Variants in PLD5 observed in about 807,000 individuals in gnomAD.
PLD5 encodes inactive phospholipase D5.
A neutral mutation model predicts 61.1 loss-of-function variants in PLD5; 36 were observed. The observed-to-expected ratio is 0.59, with a 90% CI of 0.45 to 0.78. PLD5 has a LOEUF of 0.78. Among genes scored for constraint, PLD5 ranks in the 30% least tolerant of loss-of-function variants. The pLI, the probability that PLD5 is intolerant of heterozygous loss-of-function variation, is 0.00. For missense variants in PLD5, 515 were observed against 644.4 expected, an observed-to-expected ratio of 0.80 and a Z score of 2.17; for synonymous variants, 243 against 242.8, an observed-to-expected ratio of 1.00 and a Z score of -0.01.
At chr1:242,150,843 T>C (rs756129221) in intron 5 of PLD5, among the ~76,000 whole-genome samples, 3 of 151,880 alleles carry the variant, frequency 2.0e-5, no homozygotes, top group Non-Finnish European at 2.9e-5. Context: ...GAGGACTCTC[T>C]TCCATTTTTC....
Position 242,246,474 on chromosome 1 carries a change from A to G in PLD5, c.607+18863T>C, listed in dbSNP as rs898608177. Among the ~76,000 whole-genome samples the G allele has an allele frequency of 7.3e-5, 6 of 81,844 alleles. No homozygotes were observed. In the East Asian group the frequency reaches 2.1e-3, roughly 29 times the overall value. The allele number at this position is 81,844 out of a possible 152,430, so 53.7% of individuals were successfully genotyped here. A position where few individuals can be genotyped will look rare whatever the true frequency, so the allele number is the denominator to read the frequency against. On this transcript the variant is annotated intron_variant, in intron 4 of 9. Coordinates refer to ENST00000536534, the MANE Select transcript of PLD5 (RefSeq NM_001372062.1). ...CCCCCACCCTATACTTGCATAGAAA[A>G]GACAACACACACACACACACACACA...
In PLD5 at chr1:242,265,349, A is replaced by G; in HGVS notation, c.595T>C (p.Leu199=). ...VTADSKVLEA[L]KLKGAEVTYM... is the part of the protein sequence containing the mutation. ...ACCTTGGTCTTACCCTTTAATTTCA[A>G]GGCTTCTAATACCTTTGAATCAGCT... Residue 199 remains leucine (L), a synonymous_variant, in exon 4 of 10, where the codon TTG becomes CTG. Coordinates refer to ENST00000536534, the MANE Select transcript of PLD5 (RefSeq NM_001372062.1). 1.2e-6 allele frequency: 2 copies of G among 1,610,078 alleles called. No individual in the cohort carries two copies. The highest frequency in any genetic ancestry group is 2.7e-5 in the African/African-American group (2 of 74,892).
At chr1:242,267,027 G>C (rs913159317) in intron 3 of PLD5, among the ~76,000 whole-genome samples, 4 of 152,018 alleles carry the variant, frequency 2.6e-5, no homozygotes, top group African/African-American at 9.7e-5. Flanking sequence ...TGAGGCAGGA[G>C]AATCACTGGA....
intron 4 of PLD5, among the ~76,000 whole-genome samples, chr1:242,241,038 C>T (rs967501953): frequency 6.6e-5 from 10 of 152,072 alleles, no homozygotes; most frequent in African/African-American, 2.2e-4. Context: ...AATTAATTTG[C>T]GTTGGCCTCA....
chr1:242,270,433 G>C (rs898080194), intron 3 of PLD5, among the ~76,000 whole-genome samples: 2 of 152,212 alleles, frequency 1.3e-5, no homozygotes, highest in Non-Finnish European at 2.9e-5. Flanking sequence ...TGGCTTGCTA[G>C]TGGCAGTCAG....
At position 242,350,503 on chromosome 1, in the gene PLD5, G is replaced by A. The variant is rs1660417709; in HGVS notation, c.190-2261C>T. On this transcript the variant is annotated intron_variant, in intron 1 of 9. Transcript: ENST00000536534. ...GTTCAGAGCCTTTCTGAAACCAGCTGACTTTGCATCCTCTTACCACCCGGC... is the reference window on the plus strand; with the variant it reads ...GTTCAGAGCCTTTCTGAAACCAGCTAACTTTGCATCCTCTTACCACCCGGC... 2.0e-5 allele frequency among the ~76,000 whole-genome samples: 3 copies of A among 151,248 alleles called. No individual in the cohort carries two copies. In the South Asian group the frequency reaches 6.2e-4, roughly 31 times the overall value.
chr1:242,404,552 A>T lies in PLD5; in HGVS notation c.190-56310T>A, dbSNP rs142633778. On this transcript the variant is annotated intron_variant, in intron 1 of 9. Transcript: ENST00000536534. ...GTGGGGGATCAAGTTGGCATTTCTG[A>T]TCATCCTCATCAACTCTTCCAAACG... Among the ~76,000 whole-genome samples the T allele has an allele frequency of 2.0e-4, 31 of 152,146 alleles. 1 individual carries two copies. The highest frequency in any genetic ancestry group is 7.2e-4 in the African/African-American group (30 of 41,504).
chr1:242,100,989 G>A (rs1056325628), intron 8 of PLD5, among the ~76,000 whole-genome samples: 11 of 152,140 alleles, frequency 7.2e-5, no homozygotes, highest in Admixed American at 1.3e-4. Flanking sequence ...GCTCAACTAG[G>A]TATATAATTA....
intron 1 of PLD5, among the ~76,000 whole-genome samples, chr1:242,364,735 A>G (rs1661249014): frequency 6.6e-6 from 1 of 152,210 alleles, no homozygotes; most frequent in South Asian, 2.1e-4. Context: ...AAGAAAGGAA[A>G]AAGAAAAGAA....
chr1:242,111,963 G>A (rs538547107), intron 7 of PLD5, among the ~76,000 whole-genome samples: 4 of 151,972 alleles, frequency 2.6e-5, no homozygotes, highest in East Asian at 1.9e-4. Flanking sequence ...TAGATCCTCC[G>A]TGCTAATTAT....
At chr1:242,104,277 C>T (rs969936748) in intron 8 of PLD5, among the ~76,000 whole-genome samples, 29 of 150,850 alleles carry the variant, frequency 1.9e-4, no homozygotes, top group Admixed American at 7.3e-4. Context: ...ATATGCACCA[C>T]CACACCTGGC....
intron 3 of PLD5, among the ~76,000 whole-genome samples, chr1:242,278,451 C>G (rs1574656228): frequency 6.6e-6 from 1 of 152,006 alleles, no homozygotes; most frequent in Non-Finnish European, 1.5e-5. Flanking sequence ...AATGATTTCC[C>G]ATAGAAATAT....
intron 5 of PLD5, among the ~76,000 whole-genome samples, chr1:242,166,031 C>T (rs774304566): frequency 5.3e-5 from 8 of 152,148 alleles, no homozygotes; most frequent in Non-Finnish European, 1.2e-4. Flanking sequence ...GCTCAGGATC[C>T]GTAAGTAAAA....
chr1:242,142,722 C>T (rs2800766), intron 5 of PLD5, among the ~76,000 whole-genome samples: 701 of 51,222 alleles, frequency 0.014, 4 homozygotes, highest in African/African-American at 0.052. Context: ...CTTTCTCTCT[C>T]TCTCTCTCTC....
At chr1:242,197,632 A>G (rs1030449436) in intron 5 of PLD5, among the ~76,000 whole-genome samples, 1 of 141,456 alleles carries the variant, frequency 7.1e-6, no homozygotes, top group Non-Finnish European at 1.5e-5. Context: ...TTAATTGCAC[A>G]CTTTTTTTTT....
chr1:242,432,583 C>T (rs931206797), intron 1 of PLD5, among the ~76,000 whole-genome samples: 2 of 152,206 alleles, frequency 1.3e-5, no homozygotes, highest in Non-Finnish European at 2.9e-5. Flanking sequence ...CCACAAGACA[C>T]ACGGGTTTAA....
chr1:242,426,814 T>C (rs1388244329), intron 1 of PLD5, among the ~76,000 whole-genome samples: 1 of 152,250 alleles, frequency 6.6e-6, no homozygotes, highest in East Asian at 1.9e-4. Context: ...GGAACATTGT[T>C]AGGCTGCATT....
chr1:242,479,931 G>A (rs1667715796), intron 1 of PLD5, among the ~76,000 whole-genome samples: 1 of 151,444 alleles, frequency 6.6e-6, no homozygotes, highest in South Asian at 2.1e-4. Flanking sequence ...TGCGCCTGTA[G>A]TCCCAGCTAC....
At chr1:242,249,344 T>C (rs1672575874) in intron 4 of PLD5, among the ~76,000 whole-genome samples, 1 of 152,206 alleles carries the variant, frequency 6.6e-6, no homozygotes, top group African/African-American at 2.4e-5. Context: ...ACCTTGATCT[T>C]GTACATCCTA....
Sources: gnomAD v4.1 joint callset for allele counts (sites outside exome capture counted in the v4.1 genomes callset) on GRCh38, gnomAD v4.1.1 for gene constraint, MANE v1.5 for transcripts, NCBI Gene and HGNC (gene_info 2026-07-23, HGNC 2026-07-21) for gene names.